Variants in HDAC11 observed in about 807,000 individuals in gnomAD.
The protein encoded by HDAC11 is histone deacetylase 11.
In HDAC11, 23 loss-of-function variants were observed where a neutral mutation model predicts 41.1. That is an observed-to-expected ratio of 0.56 (90% CI 0.40 to 0.79). The LOEUF is 0.79. HDAC11 is among the 30% of genes least tolerant of loss of function. The probability of loss-of-function intolerance (pLI) is 0.00; values close to 1 mark genes in which losing one functional copy is unlikely to be tolerated. For synonymous variants in HDAC11, 187 were observed against 186.6 expected (o/e 1.00, Z -0.02); for missense variants, 402 against 477.3 (o/e 0.84, Z 1.47).
intron 4 of HDAC11, among the ~76,000 whole-genome samples, chr3:13,497,510 G>C (rs1332092846): frequency 6.6e-6 from 1 of 152,124 alleles, no homozygotes; most frequent in Non-Finnish European, 1.5e-5. Context: ...ATGGAGAACT[G>C]ATCCTCCATG....
intron 4 of HDAC11, among the ~76,000 whole-genome samples, chr3:13,498,124 G>T (rs1559378777): frequency 1.3e-5 from 2 of 152,140 alleles, no homozygotes; most frequent in Admixed American, 6.5e-5. Context: ...CCAAAGTGCT[G>T]GGATTACAGG....
At position 13,498,558 on chromosome 3, in the gene HDAC11, G is replaced by A; in HGVS notation, c.412+3G>A. ...GCGAGGCTGGGCCATCAACGTGGGTGAGTGCTGGGAATGTCCTCGGGAATG... is the reference window on the plus strand; with the variant it reads ...GCGAGGCTGGGCCATCAACGTGGGTAAGTGCTGGGAATGTCCTCGGGAATG... On this transcript the variant is annotated splice_donor_region_variant and intron_variant, in intron 5 of 9. Coordinates refer to ENST00000295757, the MANE Select transcript of HDAC11 (RefSeq NM_024827.4). 1 of 1,612,260 alleles carries A rather than the reference G, an allele frequency of 6.2e-7. No homozygotes were observed. Among genetic ancestry groups the A allele is most frequent in the Non-Finnish European group, 8.5e-7 (1 of 1,179,020 alleles).
Position 13,480,365 on chromosome 3 carries a change from C to A in HDAC11, c.2+16C>A. ...GCCCCGGGATGTGAGTGCCGCGGGGCGAGGGCGGGGGTGGGCTCCCAGGGG... is the reference window on the plus strand; with the variant it reads ...GCCCCGGGATGTGAGTGCCGCGGGGAGAGGGCGGGGGTGGGCTCCCAGGGG... On this transcript the variant is annotated intron_variant, in intron 1 of 9. Transcript: ENST00000295757. This position sits in a 1 kb window ranked among gnomAD's most constrained non-coding sequence, Gnocchi z 4.6. 8.3e-7 allele frequency: 1 copy of A among 1,207,788 alleles called. No homozygotes were observed. Among genetic ancestry groups the A allele is most frequent in the Non-Finnish European group, 1.0e-6 (1 of 971,682 alleles). 74.8% of individuals were successfully genotyped at this position (1,207,788 alleles called of 1,614,324 possible).
chr3:13,490,547 C>A (rs757413679), intron 3 of HDAC11, among the ~76,000 whole-genome samples: 3 of 152,022 alleles, frequency 2.0e-5, no homozygotes, highest in Non-Finnish European at 4.4e-5. Flanking sequence ...ATGGACAAAT[C>A]TTGCACCTCT....
chr3:13,480,386 AG>A lies in HDAC11; in HGVS notation c.2+41del. 1 of 1,139,784 alleles carries A rather than the reference AG, an allele frequency of 8.8e-7. No individual in the cohort carries two copies. The highest frequency in any genetic ancestry group is 1.1e-6 in the Non-Finnish European group (1 of 915,434). 70.6% of individuals were successfully genotyped at this position (1,139,784 alleles called of 1,614,324 possible). Reference sequence around the variant, plus strand: ...GGGGCGAGGGCGGGGGTGGGCTCCCAGGGGTCCCGGTGGGCGGGCGCGCTAG... The same window carrying A: ...GGGGCGAGGGCGGGGGTGGGCTCCCAGGGTCCCGGTGGGCGGGCGCGCTAG... On this transcript the variant is annotated intron_variant, in intron 1 of 9. Transcript: ENST00000295757. The surrounding 1 kb of genome is among the most constrained non-coding windows in gnomAD (Gnocchi z 4.6).
intron 3 of HDAC11, among the ~76,000 whole-genome samples, chr3:13,491,462 C>T (rs1015095887): frequency 2.0e-5 from 3 of 152,026 alleles, no homozygotes; most frequent in Non-Finnish European, 4.4e-5. Flanking sequence ...ACTGAGAGAT[C>T]GTGTTTTCCC....
intron 9 of HDAC11, 25 bp from the exon 10 acceptor site, chr3:13,504,443 A>C: frequency 6.2e-7 from 1 of 1,611,802 alleles, no homozygotes; most frequent in Non-Finnish European, 8.5e-7. Context: ...GGCCTGCCTG[A>C]GTCACCCTCC....
At chr3:13,503,274 A>G (rs1262273349) in intron 8 of HDAC11, 1 of 260,308 alleles carries the variant, frequency 3.8e-6, no homozygotes, top group Admixed American at 5.1e-5. Context: ...TAAGAAATAA[A>G]TTCACATAGG....
At chr3:13,491,068 TTGTGTGTGTGTGTGTGTGTG>T (rs58333021) in intron 3 of HDAC11, among the ~76,000 whole-genome samples, 202 of 140,404 alleles carry the variant, frequency 1.4e-3, no homozygotes, top group Non-Finnish European at 2.2e-3. Flanking sequence ...GCTTTAATAG[TTGTGTGTGTGTGTGTGTGTG>T]TGTGTGTGTG....
intron 3 of HDAC11, among the ~76,000 whole-genome samples, chr3:13,486,511 A>G (rs1436083941): frequency 6.6e-6 from 1 of 150,568 alleles, no homozygotes; most frequent in African/African-American, 2.4e-5. Context: ...AGGGCCTCAC[A>G]GAGGAGGTGA....
chr3:13,494,110 G>A (rs1701982484), intron 3 of HDAC11, among the ~76,000 whole-genome samples: 1 of 152,256 alleles, frequency 6.6e-6, no homozygotes, highest in Non-Finnish European at 1.5e-5. Flanking sequence ...GCCGGTGGAA[G>A]CCTCCTTGAG....
rs746499345 is a variant in HDAC11, at chr3:13,501,910, A to G, written c.529A>G (p.Ile177Val). 3.1e-6 allele frequency: 5 copies of G among 1,613,946 alleles called. 1 individual carries two copies. Among genetic ancestry groups the G allele is most frequent in the Non-Finnish European group, 4.2e-6 (5 of 1,179,920 alleles). Residue 177 changes from isoleucine to valine, a missense_variant, in exon 7 of 10, where the codon ATC (isoleucine) becomes GTC (valine). Physicochemically the swap from Ile to Val is conservative, Grantham distance 29. Transcript: ENST00000295757. ...TGTGGAGGGCATCTCCAGGGCTACC[A>G]TCATTGATCTTGATGCCCATCAGGT... ...ERVEGISRAT[I>V]IDLDAHQGNG...
rs1701279757 is a variant in HDAC11, at chr3:13,480,804, T to C, written c.3-442T>C. On this transcript the variant is annotated intron_variant, in intron 1 of 9. Transcript: ENST00000295757. The surrounding 1 kb of genome is among the most constrained non-coding windows in gnomAD (Gnocchi z 4.6). Reference sequence around the variant, plus strand: ...GTCCCGACTTGGGTTTCTGAGTGCTTACTGTGCTCAGCTCCTCAGTTGCAT... The same window carrying C: ...GTCCCGACTTGGGTTTCTGAGTGCTCACTGTGCTCAGCTCCTCAGTTGCAT... 4.6e-6 allele frequency: 2 copies of C among 432,626 alleles called. No individual in the cohort carries two copies. The highest frequency in any genetic ancestry group is 1.7e-5 in the South Asian group (1 of 57,816). 26.8% of individuals were successfully genotyped at this position (432,626 alleles called of 1,614,324 possible). A position where few individuals can be genotyped will look rare whatever the true frequency, so the allele number is the denominator to read the frequency against.
Position 13,502,929 on chromosome 3 carries a change from A to T in HDAC11, c.598A>T (p.Ile200Phe), listed in dbSNP as rs367910438. The change falls in exon 8 of 10, where the codon ATC becomes TTC. Residue 200 changes from isoleucine (I) to phenylalanine (F), a missense_variant. By Grantham distance (21) the Ile-to-Phe change is conservative. Transcript: ENST00000295757. The surrounding 1 kb of genome is among the most constrained non-coding windows in gnomAD (Gnocchi z 4.1). ...CTTCATGGACGACAAGCGTGTGTAC[A>T]TCATGGATGTCTACAACCGCCACAT... ...RDFMDDKRVY[I>F]MDVYNRHIYP... The T allele has an allele frequency of 1.2e-6, 2 of 1,613,614 alleles. No homozygotes were observed. Among genetic ancestry groups the T allele is most frequent in the Non-Finnish European group, 1.7e-6 (2 of 1,179,934 alleles).
At chr3:13,482,035 C>T (rs1343050783) in intron 2 of HDAC11, among the ~76,000 whole-genome samples, 3 of 152,222 alleles carry the variant, frequency 2.0e-5, no homozygotes, top group Admixed American at 2.0e-4. Context: ...ACTGGGCACA[C>T]TGGCTGCCTG....
intron 3 of HDAC11, among the ~76,000 whole-genome samples, chr3:13,488,874 G>C (rs1047200777): frequency 6.6e-6 from 1 of 152,054 alleles, no homozygotes; most frequent in Non-Finnish European, 1.5e-5. Flanking sequence ...TAATGTACCA[G>C]GGTCCCAATT....
chr3:13,504,573 A>G lies in HDAC11; in HGVS notation c.934A>G (p.Ile312Val), dbSNP rs759621131. 1.9e-6 allele frequency: 3 copies of G among 1,613,750 alleles called. No homozygotes were observed. The South Asian group carries it at 3.3e-5, about 18-fold the overall frequency. The change falls in exon 10 of 10, where the codon ATT becomes GTT. Residue 312 changes from isoleucine (I) to valine (V), a missense_variant. Coordinates refer to ENST00000295757, the MANE Select transcript of HDAC11 (RefSeq NM_024827.4). The stretch of plus-strand genomic sequence containing the variant: ...GTACCAGAAGCGCACAGCCCGCATC[A>G]TTGCTGACTCCATACTTAATCTGTT... ...GGYQKRTARI[I>V]ADSILNLFGL...
Position 13,504,878 on chromosome 3 carries a change from G to A in HDAC11, c.*195G>A. On this transcript the variant is annotated 3_prime_UTR_variant, in exon 10 of 10. Coordinates refer to ENST00000295757, the MANE Select transcript of HDAC11 (RefSeq NM_024827.4). ...AGAAGGGCTTGAGGCCTCTATGGGT[G>A]GGGGCAGAAGGCAGAGCCTGTGTCC... 1.6e-6 allele frequency: 1 copy of A among 610,510 alleles called. No homozygotes were observed. The highest frequency in any genetic ancestry group is 2.0e-5 in the South Asian group (1 of 51,198). The allele number at this position is 610,510 out of a possible 1,614,324, so 37.8% of individuals were successfully genotyped here.
intron 3 of HDAC11, among the ~76,000 whole-genome samples, chr3:13,486,220 TTG>T (rs1701558020): frequency 7.2e-6 from 1 of 138,170 alleles, no homozygotes. Flanking sequence ...TGAGCCGAGA[TTG>T]CGCCATTGCA....
Sources: allele counts gnomAD v4.1 joint callset (sites outside exome capture counted in the v4.1 genomes callset), GRCh38; gene constraint gnomAD v4.1.1; non-coding constraint Gnocchi (gnomAD v3.1); transcripts MANE v1.5; gene names NCBI Gene and HGNC (gene_info 2026-07-23, HGNC 2026-07-21).